DMD: variants seen among roughly 807,000 people sequenced by gnomAD.
DMD encodes dystrophin.
DMD carries 63 observed loss-of-function variants against 330.1 expected under a neutral mutation model. The ratio of observed to expected loss-of-function variants is 0.19; its 90% CI spans 0.16 to 0.24. The LOEUF is 0.24. Among genes scored for constraint, DMD ranks in the 10% least tolerant of loss-of-function variants. The probability of loss-of-function intolerance (pLI) is 1.00; values close to 1 mark genes in which losing one functional copy is unlikely to be tolerated. For synonymous variants in DMD, 1,223 were observed against 959.8 expected (o/e 1.27, Z -5.07); for missense variants, 3,344 against 2,684.1 (o/e 1.25, Z -5.43).
intron 6 of DMD, among the ~76,000 whole-genome samples, chrX:32,810,523 G>A (rs757580035): frequency 2.5e-4 from 28 of 111,848 alleles, no homozygotes; most frequent in African/African-American, 8.8e-4. Context: ...TAAAATTGCA[G>A]TTGCTCAGAT....
Position 31,478,484 on chromosome X carries a change from A to ACTGAT in DMD, c.8669-115_8669-111dup. 4 of 1,031,873 alleles carry ACTGAT rather than the reference A, an allele frequency of 3.9e-6. No homozygotes were observed. In the South Asian group the frequency reaches 8.1e-5, roughly 21 times the overall value. 85.0% of individuals were successfully genotyped at this position (1,031,873 alleles called of 1,213,427 possible). ...GTACAGTTGAACAAGAGGGTAACCTACTGATTAACGGCTTTTTTATACTTT... is the reference window on the plus strand; with the variant it reads ...GTACAGTTGAACAAGAGGGTAACCTACTGATCTGATTAACGGCTTTTTTATACTTT... On this transcript the variant is annotated intron_variant, in intron 58 of 78. Transcript: ENST00000357033.
chrX:32,580,962 G>C (rs919344202), intron 13 of DMD, among the ~76,000 whole-genome samples: 2 of 110,670 alleles, frequency 1.8e-5, no homozygotes, highest in African/African-American at 6.6e-5. Flanking sequence ...AAGTAGCTGG[G>C]ATTACAGGTG....
chrX:32,194,824 A>G (rs1205910735), intron 44 of DMD, among the ~76,000 whole-genome samples: 1 of 111,833 alleles, frequency 8.9e-6, no homozygotes, highest in African/African-American at 3.2e-5. Flanking sequence ...TATATTCATT[A>G]TGTGTTGTAA....
At chrX:31,949,664 A>T (rs1241172182) in intron 45 of DMD, among the ~76,000 whole-genome samples, 1 of 110,915 alleles carries the variant, frequency 9.0e-6, no homozygotes, top group East Asian at 2.8e-4. Flanking sequence ...TTTTGTTGGA[A>T]AATTTTAAAT....
At chrX:31,959,964 G>A (rs2095286480) in intron 45 of DMD, among the ~76,000 whole-genome samples, 1 of 108,698 alleles carries the variant, frequency 9.2e-6, no homozygotes, top group Non-Finnish European at 1.9e-5. Flanking sequence ...TCGCCATGTT[G>A]GCCAGGCTGG....
chrX:31,274,625 T>C (rs1264963665), intron 62 of DMD, among the ~76,000 whole-genome samples: 4 of 112,533 alleles, frequency 3.6e-5, no homozygotes, highest in African/African-American at 1.3e-4. Flanking sequence ...TCAAGGCATG[T>C]TTTCAAGATG....
intron 55 of DMD, among the ~76,000 whole-genome samples, chrX:31,593,326 A>G (rs923389471): frequency 9.0e-6 from 1 of 111,345 alleles, no homozygotes; most frequent in African/African-American, 3.3e-5. Flanking sequence ...ACTGGATACT[A>G]GACAAAACAA....
chrX:31,508,806 T>C (rs73212381), intron 55 of DMD, among the ~76,000 whole-genome samples: 6,709 of 110,992 alleles, frequency 0.06, 267 homozygotes, highest in African/African-American at 0.14. Context: ...CTCTCTCAAA[T>C]TGAATTAAAT....
At chrX:32,339,552 C>T (rs771885417) in intron 41 of DMD, among the ~76,000 whole-genome samples, 64 of 111,345 alleles carry the variant, frequency 5.7e-4, no homozygotes, top group African/African-American at 1.8e-3. Flanking sequence ...TGTGGCTGGG[C>T]GCTGCCTCAT....
At chrX:32,444,464 T>C (rs2098295393) in intron 27 of DMD, among the ~76,000 whole-genome samples, 1 of 110,870 alleles carries the variant, frequency 9.0e-6, no homozygotes, top group African/African-American at 3.3e-5. Flanking sequence ...CATGGGGAAA[T>C]TCACTTCCAT....
intron 43 of DMD, among the ~76,000 whole-genome samples, chrX:32,260,098 C>G (rs1407675640): frequency 9.0e-6 from 1 of 111,032 alleles, no homozygotes; most frequent in East Asian, 2.8e-4. Context: ...CTCATGTTCC[C>G]TTGAGGTTTC....
At chrX:32,560,517 G>A (rs890898122) in intron 16 of DMD, among the ~76,000 whole-genome samples, 3 of 110,245 alleles carry the variant, frequency 2.7e-5, no homozygotes, top group Non-Finnish European at 5.7e-5. Flanking sequence ...GTGCCACGGT[G>A]GTATGGTGCA....
At chrX:32,899,690 GAAAGAA>G (rs1427257584) in intron 2 of DMD, among the ~76,000 whole-genome samples, 9 of 103,744 alleles carry the variant, frequency 8.7e-5, no homozygotes, top group African/African-American at 3.2e-4. Context: ...AAAAAAAAAA[GAAAGAA>G]AAAGAAAAAG....
intron 7 of DMD, among the ~76,000 whole-genome samples, chrX:32,747,695 T>C (rs1415975078): frequency 9.1e-6 from 1 of 110,455 alleles, no homozygotes; most frequent in Admixed American, 9.7e-5. Flanking sequence ...CTCAGTCTTG[T>C]CTGGAACTCC....
chrX:32,813,898 AT>A (rs1417754260), intron 6 of DMD, among the ~76,000 whole-genome samples: 1 of 112,160 alleles, frequency 8.9e-6, no homozygotes, highest in African/African-American at 3.2e-5. Flanking sequence ...AAGTAATAAA[AT>A]TAGGAAATAC....
chrX:32,887,775 A>C (rs1236680933), intron 2 of DMD, among the ~76,000 whole-genome samples: 2 of 100,491 alleles, frequency 2.0e-5, no homozygotes, highest in African/African-American at 3.8e-5. Flanking sequence ...AAAAAAAAAA[A>C]ACATCAACTA....
At chrX:32,142,548 T>C (rs187487837) in intron 44 of DMD, among the ~76,000 whole-genome samples, 61 of 112,401 alleles carry the variant, frequency 5.4e-4, no homozygotes, top group African/African-American at 1.8e-3. Context: ...GACATTATAA[T>C]TTTAAAACAT....
chrX:31,366,490 A>AT lies in DMD; in HGVS notation c.9085-17857_9085-17856insA, dbSNP rs1569533377. On this transcript the variant is annotated intron_variant, in intron 60 of 78. Transcript: ENST00000357033. The stretch of plus-strand genomic sequence containing the variant: ...TCTCTCAAAAAAAAAAAAAAAAAAA[A>AT]AAAAAACATAAAAAAAAAAATAAAT... 9.7e-4 allele frequency among the ~76,000 whole-genome samples: 97 copies of AT among 99,844 alleles called. 1 individual carries two copies. The highest frequency in any genetic ancestry group is 3.3e-3 in the African/African-American group (87 of 26,739). 86.7% of individuals were successfully genotyped at this position (99,844 alleles called of 115,157 possible).
chrX:33,110,942 ATATT>A (rs1335625907), intron 1 of DMD, among the ~76,000 whole-genome samples: 1 of 111,336 alleles, frequency 9.0e-6, no homozygotes, highest in Non-Finnish European at 1.9e-5. Context: ...TTTAATTAAA[ATATT>A]TATTATAATT....
Sources: gnomAD v4.1 joint callset for allele counts (sites outside exome capture counted in the v4.1 genomes callset) on GRCh38, gnomAD v4.1.1 for gene constraint, MANE v1.5 for transcripts, NCBI Gene and HGNC (gene_info 2026-07-23, HGNC 2026-07-21) for gene names.